Variants in WWOX observed in about 807,000 individuals in gnomAD.
WWOX encodes the protein WW domain-containing oxidoreductase.
WWOX carries 69 observed loss-of-function variants against 46.2 expected under a neutral mutation model. The observed-to-expected ratio is 1.49, with a 90% CI of 1.23 to 1.82. The LOEUF is 1.82. Among genes scored for constraint, WWOX ranks in the 40% most tolerant of loss-of-function variants. The pLI, the probability that WWOX is intolerant of heterozygous loss-of-function variation, is 0.00. For missense variants in WWOX, 919 were observed against 542.6 expected (o/e 1.69, Z -6.89); for synonymous variants, 359 against 202.6 (o/e 1.77, Z -6.56).
chr16:79,156,189 T>A (rs2150741058), intron 8 of WWOX, among the ~76,000 whole-genome samples: 1 of 152,226 alleles, frequency 6.6e-6, no homozygotes, highest in Middle Eastern at 3.4e-3. Flanking sequence ...TGAGACAAGG[T>A]CTCACTCTGT....
intron 8 of WWOX, among the ~76,000 whole-genome samples, chr16:79,140,321 A>G (rs923563598): frequency 1.3e-5 from 2 of 152,200 alleles, no homozygotes; most frequent in African/African-American, 2.4e-5. Flanking sequence ...TTCTTAGGCA[A>G]GTGACATCTC....
intron 8 of WWOX, among the ~76,000 whole-genome samples, chr16:78,946,438 A>T (rs539974045): frequency 1.3e-5 from 2 of 152,232 alleles, no homozygotes; most frequent in South Asian, 2.1e-4. Flanking sequence ...TGATCTGCTC[A>T]CGTCGGCCTC....
intron 8 of WWOX, among the ~76,000 whole-genome samples, chr16:78,684,846 A>G (rs911321986): frequency 4.6e-5 from 7 of 152,208 alleles, no homozygotes; most frequent in East Asian, 3.9e-4. Flanking sequence ...AGAGGGAGCC[A>G]GGAAATACAC....
intron 8 of WWOX, among the ~76,000 whole-genome samples, chr16:78,957,966 G>A (rs1053745463): frequency 1.3e-5 from 2 of 152,160 alleles, no homozygotes; most frequent in African/African-American, 2.4e-5. Flanking sequence ...GCAAATCTCA[G>A]TGCCCTCTCA....
intron 8 of WWOX, among the ~76,000 whole-genome samples, chr16:78,608,884 A>C (rs935825044): frequency 6.6e-6 from 1 of 152,170 alleles, no homozygotes; most frequent in East Asian, 1.9e-4. Context: ...ATCTGGGCAC[A>C]TGAATGGTCT....
chr16:78,400,276 G>T (rs1462223724), intron 6 of WWOX, among the ~76,000 whole-genome samples: 1 of 152,144 alleles, frequency 6.6e-6, no homozygotes, highest in Non-Finnish European at 1.5e-5. Context: ...TGCATAAGGT[G>T]ACAAATTACA....
At chr16:79,006,106 T>TG (rs1418634592) in intron 8 of WWOX, among the ~76,000 whole-genome samples, 1 of 151,920 alleles carries the variant, frequency 6.6e-6, no homozygotes, top group East Asian at 1.9e-4. Flanking sequence ...CCTGGTCCAG[T>TG]GGGGTGAGGG....
intron 8 of WWOX, among the ~76,000 whole-genome samples, chr16:78,695,186 A>G (rs780478421): frequency 1.3e-5 from 2 of 152,190 alleles, no homozygotes; most frequent in African/African-American, 4.8e-5. Flanking sequence ...CTGTTAAGGT[A>G]TGAAAACCCT....
chr16:78,380,601 T>C (rs926141553), intron 5 of WWOX, among the ~76,000 whole-genome samples: 1 of 152,088 alleles, frequency 6.6e-6, no homozygotes, highest in African/African-American at 2.4e-5. Flanking sequence ...TTATGCATTG[T>C]GATGATCACG....
At chr16:78,609,821 C>G (rs753669871) in intron 8 of WWOX, among the ~76,000 whole-genome samples, 4 of 152,172 alleles carry the variant, frequency 2.6e-5, no homozygotes, top group Admixed American at 2.0e-4. Flanking sequence ...ATCTGCTAAT[C>G]CCTGTGATTT....
intron 6 of WWOX, among the ~76,000 whole-genome samples, chr16:78,401,384 A>T (rs925008324): frequency 6.6e-6 from 1 of 152,222 alleles, no homozygotes; most frequent in African/African-American, 2.4e-5. Flanking sequence ...TCAACTTGAC[A>T]TGGCAAAATT....
intron 8 of WWOX, among the ~76,000 whole-genome samples, chr16:78,695,658 T>C (rs2048083452): frequency 6.6e-6 from 1 of 152,066 alleles, no homozygotes; most frequent in Non-Finnish European, 1.5e-5. Context: ...AATAAAACTG[T>C]GTATTCCAAA....
chr16:78,373,805 T>A (rs2081753451), intron 5 of WWOX, among the ~76,000 whole-genome samples: 1 of 152,210 alleles, frequency 6.6e-6, no homozygotes, highest in Admixed American at 6.5e-5. Flanking sequence ...ATGTATATTT[T>A]TTGAGACAGA....
chr16:78,316,619 A>G (rs2080361896), intron 5 of WWOX, among the ~76,000 whole-genome samples: 1 of 152,186 alleles, frequency 6.6e-6, no homozygotes, highest in South Asian at 2.1e-4. Context: ...CTGGGATTAT[A>G]GGCCTGAGCC....
At chr16:78,737,860 C>G (rs2142405654) in intron 8 of WWOX, among the ~76,000 whole-genome samples, 1 of 152,264 alleles carries the variant, frequency 6.6e-6, no homozygotes, top group East Asian at 1.9e-4. Flanking sequence ...CCTTGGGCCA[C>G]TTTATTCCCT....
At chr16:78,920,027 A>G (rs1466771330) in intron 8 of WWOX, among the ~76,000 whole-genome samples, 1 of 152,184 alleles carries the variant, frequency 6.6e-6, no homozygotes, top group Non-Finnish European at 1.5e-5. Context: ...TCATTGTATC[A>G]GTCAGCGTAG....
intron 8 of WWOX, among the ~76,000 whole-genome samples, chr16:79,160,739 G>T (rs1249427794): frequency 1.3e-5 from 2 of 152,158 alleles, no homozygotes; most frequent in Non-Finnish European, 2.9e-5. Flanking sequence ...GGGAACAGTA[G>T]TAATGGTGCA....
intron 8 of WWOX, among the ~76,000 whole-genome samples, chr16:78,449,770 A>C (rs1230904284): frequency 6.6e-6 from 1 of 152,198 alleles, no homozygotes; most frequent in East Asian, 1.9e-4. Flanking sequence ...CCTAAAGTCA[A>C]GTATTTGCTT....
At chr16:78,722,209 C>G (rs2048709521) in intron 8 of WWOX, among the ~76,000 whole-genome samples, 1 of 152,186 alleles carries the variant, frequency 6.6e-6, no homozygotes, top group Admixed American at 6.5e-5. Context: ...ATGACCGCAG[C>G]TCCTGTAGTA....
Sources: allele counts gnomAD v4.1 joint callset (sites outside exome capture counted in the v4.1 genomes callset), GRCh38; gene constraint gnomAD v4.1.1; transcripts MANE v1.5; gene names NCBI Gene and HGNC (gene_info 2026-07-23, HGNC 2026-07-21).